Variants in CECR2 observed in about 807,000 individuals in gnomAD.
The protein encoded by CECR2 is CECR2 histone acetyl-lysine reader.
CECR2 carries 30 observed loss-of-function variants against 154.5 expected under a neutral mutation model. The ratio of observed to expected loss-of-function variants is 0.19; its 90% CI spans 0.15 to 0.26. The LOEUF is 0.26. Ranked by LOEUF, CECR2 falls within the 10% of genes least tolerant of loss-of-function variation. CECR2 has a pLI of 1.00. For missense variants in CECR2, 1,743 were observed against 1,829.3 expected (o/e 0.95, Z 0.86); for synonymous variants, 725 against 683.7 (o/e 1.06, Z -0.94).
chr22:17,397,228 C>G (rs948573078), intron 1 of CECR2, among the ~76,000 whole-genome samples: 1 of 152,104 alleles, frequency 6.6e-6, no homozygotes, highest in Non-Finnish European at 1.5e-5. Flanking sequence ...CCTCCACCTC[C>G]CAGGTTCAAG....
rs760227260 is a variant in CECR2 at position 17,554,918 on chromosome 22, T to C, written c.*2078T>C. On this transcript the variant is annotated 3_prime_UTR_variant, in exon 19 of 19. Coordinates refer to ENST00000262608, the MANE Select transcript of CECR2 (RefSeq NM_001290047.2). ...AGGAGGTAAAAAGCTAGTTTGGAGC[T>C]GGTTAGACCTGGTCTAGGCCCAGAG... 4 of 152,268 alleles carry C rather than the reference T, an allele frequency of 2.6e-5. No individual in the cohort carries two copies. The highest frequency in any genetic ancestry group is 1.3e-4 in the Admixed American group (2 of 15,284). The allele number at this position is 152,268 out of a possible 1,614,324, so 9.4% of individuals were successfully genotyped here. A position where few individuals can be genotyped will look rare whatever the true frequency, so the allele number is the denominator to read the frequency against.
intron 1 of CECR2, among the ~76,000 whole-genome samples, chr22:17,437,418 G>A (rs1350167894): frequency 1.3e-5 from 2 of 152,100 alleles, no homozygotes; most frequent in African/African-American, 4.8e-5. Context: ...GACTCCAGGA[G>A]CAAATGTTAA....
chr22:17,462,259 C>T (rs1385000854), intron 1 of CECR2, among the ~76,000 whole-genome samples: 3 of 151,686 alleles, frequency 2.0e-5, no homozygotes, highest in Non-Finnish European at 4.4e-5. Flanking sequence ...AGAAAATTAG[C>T]TGGGCATGGT....
chr22:17,448,823 G>A (rs5746390), intron 1 of CECR2, among the ~76,000 whole-genome samples: 45,473 of 151,794 alleles, frequency 0.3, 9,764 homozygotes, highest in African/African-American at 0.58. Context: ...TCCTAATACT[G>A]TCAGGCCTTC....
chr22:17,382,097 A>G (rs2895936), intron 1 of CECR2, among the ~76,000 whole-genome samples: 29,496 of 150,356 alleles, frequency 0.2, 3,644 homozygotes, highest in East Asian at 0.51. Flanking sequence ...TCGCCGTGTT[A>G]GCCAGGATGG....
chr22:17,542,523 C>T lies in CECR2; in HGVS notation c.2380C>T (p.Leu794=), dbSNP rs1472871686. 5.6e-6 allele frequency: 9 copies of T among 1,613,902 alleles called. No homozygotes were observed. The highest frequency in any genetic ancestry group is 1.3e-5 in the African/African-American group (1 of 74,926). Residue 794 remains leucine, a synonymous_variant, in exon 16 of 19, where the codon CTG becomes TTG. Coordinates refer to ENST00000262608, the MANE Select transcript of CECR2 (RefSeq NM_001290047.2). ...GPLGPDEKPH[L]GPGPSHQPRT... ...CTTGGGCCCAGATGAGAAGCCCCAC[C>T]TGGGGCCAGGACCCTCTCACCAGCC...
rs895969110 is a variant in CECR2, at chr22:17,404,615, C to T, written c.126+34706C>T. Among the ~76,000 whole-genome samples the T allele has an allele frequency of 1.5e-4, 20 of 131,014 alleles. 2 individuals are homozygous for T. Among genetic ancestry groups the T allele is most frequent in the African/African-American group, 6.5e-4 (20 of 30,716 alleles). 86.0% of individuals were successfully genotyped at this position (131,014 alleles called of 152,430 possible). On this transcript the variant is annotated intron_variant, in intron 1 of 18. Coordinates refer to ENST00000262608, the MANE Select transcript of CECR2 (RefSeq NM_001290047.2). ...GTCTCGATCTCCTGACCTCGTGATC[C>T]ACCCGCCTCGGCCTCCCAAAGTGCT... is the stretch of plus-strand genomic sequence containing the variant.
intron 1 of CECR2, among the ~76,000 whole-genome samples, chr22:17,471,472 C>T (rs1569103605): frequency 6.6e-6 from 1 of 152,186 alleles, no homozygotes; most frequent in African/African-American, 2.4e-5. Flanking sequence ...TAGTTTCCAA[C>T]TTTCGCAGTG....
chr22:17,414,555 G>C (rs1055688859), intron 1 of CECR2, among the ~76,000 whole-genome samples: 5 of 139,558 alleles, frequency 3.6e-5, no homozygotes, highest in Non-Finnish European at 6.0e-5. Context: ...TAGGGTACAT[G>C]TGCACAACGT....
chr22:17,391,113 T>C (rs1328146515), intron 1 of CECR2, among the ~76,000 whole-genome samples: 1 of 152,240 alleles, frequency 6.6e-6, no homozygotes, highest in East Asian at 1.9e-4. Flanking sequence ...TACATGTACT[T>C]CCTATGAATA....
intron 2 of CECR2, among the ~76,000 whole-genome samples, chr22:17,478,072 C>T (rs967286889): frequency 6.6e-6 from 1 of 151,804 alleles, no homozygotes; most frequent in Non-Finnish European, 1.5e-5. Context: ...TTTACATAGC[C>T]AGCAGCACTG....
intron 1 of CECR2, among the ~76,000 whole-genome samples, chr22:17,393,139 A>G (rs2053756481): frequency 6.6e-6 from 1 of 152,116 alleles, no homozygotes; most frequent in Non-Finnish European, 1.5e-5. Context: ...TCACCTCAAA[A>G]AGAAACCCTG....
At chr22:17,503,221 G>A (rs1601471264) in intron 6 of CECR2, 90 bp downstream of exon 6, 1 of 1,270,758 alleles carries the variant, frequency 7.9e-7, no homozygotes. Flanking sequence ...GTCATACAAA[G>A]TAAAGGTTAT....
At chr22:17,547,872 A>G (rs1480297794) in intron 16 of CECR2, among the ~76,000 whole-genome samples, 1 of 152,102 alleles carries the variant, frequency 6.6e-6, no homozygotes, top group Non-Finnish European at 1.5e-5. Context: ...CCTCTTACGA[A>G]TCGGGCAACC....
rs1264973861 is a variant in CECR2 at position 17,549,382 on chromosome 22, C to G, written c.4095C>G (p.Ser1365=). The G allele has an allele frequency of 6.2e-6, 10 of 1,613,826 alleles. No homozygotes were observed. Among genetic ancestry groups the G allele is most frequent in the African/African-American group, 2.7e-5 (2 of 74,914 alleles). Residue 1365 remains serine (S), a synonymous_variant, in exon 17 of 19, where the codon TCC becomes TCG. Coordinates refer to ENST00000262608, the MANE Select transcript of CECR2 (RefSeq NM_001290047.2). ...ASHFQPRAYS[S]PVAALPPHHP... Reference sequence around the variant, plus strand: ...ACTTTCAGCCCAGGGCTTACTCTTCCCCTGTGGCTGCCCTCCCACCTCACC... The same window carrying G: ...ACTTTCAGCCCAGGGCTTACTCTTCGCCTGTGGCTGCCCTCCCACCTCACC...
rs7292589 is a variant in CECR2, at chr22:17,416,504, C to G, written c.126+46595C>G. On this transcript the variant is annotated intron_variant, in intron 1 of 18. Transcript: ENST00000262608. ...TCCCACAATCTAGGCTATAGGAGTT[C>G]AAATCTTGATCATACTGTTATTATT... is the stretch of plus-strand genomic sequence containing the variant. Among the ~76,000 whole-genome samples, 928 of 152,110 alleles carry G rather than the reference C, an allele frequency of 6.1e-3. 9 individuals carry two copies. The highest frequency in any genetic ancestry group is 0.021 in the African/African-American group (861 of 41,502).
At chr22:17,399,577 C>G (rs2053861905) in intron 1 of CECR2, among the ~76,000 whole-genome samples, 1 of 151,944 alleles carries the variant, frequency 6.6e-6, no homozygotes, top group Non-Finnish European at 1.5e-5. Context: ...GCCACCATGC[C>G]CAGCTAATTT....
chr22:17,453,562 T>G (rs941302179), intron 1 of CECR2, among the ~76,000 whole-genome samples: 1 of 152,338 alleles, frequency 6.6e-6, no homozygotes, highest in Non-Finnish European at 1.5e-5. Context: ...TCCTTAAAAT[T>G]TGGCCAGTAC....
chr22:17,497,298 C>T (rs2055647316), intron 2 of CECR2, 105 bp from the exon 3 acceptor site: 1 of 1,227,580 alleles, frequency 8.1e-7, no homozygotes, highest in African/African-American at 1.5e-5. Flanking sequence ...TGTATAAAAA[C>T]AAAAATCTGT....
Sources: allele counts gnomAD v4.1 joint callset (sites outside exome capture counted in the v4.1 genomes callset), GRCh38; gene constraint gnomAD v4.1.1; transcripts MANE v1.5; gene names NCBI Gene and HGNC (gene_info 2026-07-23, HGNC 2026-07-21).